SPIRE1: variants seen among roughly 807,000 people sequenced by gnomAD.
SPIRE1 encodes spire type actin nucleation factor 1.
SPIRE1 carries 40 observed loss-of-function variants against 94.1 expected under a neutral mutation model. The ratio of observed to expected loss-of-function variants is 0.43; its 90% confidence interval spans 0.33 to 0.55. The LOEUF is 0.55. SPIRE1 is among the 20% of genes least tolerant of loss of function. The pLI is 0.06. For synonymous variants in SPIRE1, 376 were observed against 371.7 expected (o/e 1.01, Z -0.13); for missense variants, 838 against 975.2 (o/e 0.86, Z 1.87).
intron 10 of SPIRE1, among the ~76,000 whole-genome samples, chr18:12,476,393 T>G (rs1030406472): frequency 1.9e-4 from 28 of 151,020 alleles, no homozygotes; most frequent in Admixed American, 9.2e-4. Context: ...ATAAAAAAAT[T>G]AGCTGAGCAT....
chr18:12,608,205 C>T (rs2037041611), intron 2 of SPIRE1, among the ~76,000 whole-genome samples: 1 of 151,148 alleles, frequency 6.6e-6, no homozygotes, highest in South Asian at 2.1e-4. Context: ...TATCCACCTA[C>T]TATGTACCCC....
At chr18:12,608,719 G>C (rs1046242920) in intron 2 of SPIRE1, among the ~76,000 whole-genome samples, 11 of 152,102 alleles carry the variant, frequency 7.2e-5, no homozygotes, top group African/African-American at 2.7e-4. Context: ...TTTACATTAA[G>C]GTGATGGCAA....
chr18:12,527,509 G>A (rs1233534233), intron 4 of SPIRE1, among the ~76,000 whole-genome samples: 1 of 152,102 alleles, frequency 6.6e-6, no homozygotes, highest in African/African-American at 2.4e-5. Context: ...TGCTGCAGAA[G>A]GCTTTGGATC....
intron 1 of SPIRE1, chr18:12,656,784 T>G (rs1192258610): frequency 2.4e-5 from 15 of 615,294 alleles, no homozygotes; most frequent in Non-Finnish European, 3.1e-5. Context: ...AATTTTACAT[T>G]AGACAATGAC....
chr18:12,551,212 T>C (rs909763820), intron 2 of SPIRE1, among the ~76,000 whole-genome samples: 1 of 152,202 alleles, frequency 6.6e-6, no homozygotes, highest in Non-Finnish European at 1.5e-5. Flanking sequence ...TTGTCTATTT[T>C]GTTCACCATT....
At chr18:12,641,570 T>C (rs1009871601) in intron 1 of SPIRE1, among the ~76,000 whole-genome samples, 4 of 151,822 alleles carry the variant, frequency 2.6e-5, no homozygotes, top group African/African-American at 7.3e-5. Flanking sequence ...GGTTTCACCA[T>C]GTTGGCCAGG....
At chr18:12,542,124 G>T (rs1015603265) in intron 3 of SPIRE1, among the ~76,000 whole-genome samples, 8 of 151,976 alleles carry the variant, frequency 5.3e-5, no homozygotes, top group African/African-American at 1.7e-4. Context: ...TTACAGGCAT[G>T]CAGCACCATG....
At chr18:12,598,299 A>G (rs71351492) in intron 2 of SPIRE1, among the ~76,000 whole-genome samples, 11,188 of 152,280 alleles carry the variant, frequency 0.073, 574 homozygotes, top group Non-Finnish European at 0.11. Flanking sequence ...ATTAAAAACA[A>G]TATTTTGAAT....
intron 10 of SPIRE1, among the ~76,000 whole-genome samples, chr18:12,475,445 G>T (rs2032526835): frequency 1.3e-5 from 2 of 151,910 alleles, no homozygotes; most frequent in African/African-American, 4.8e-5. Context: ...TCATATTTCT[G>T]TCTGTACCTG....
chr18:12,517,518 T>C (rs2034232082), intron 4 of SPIRE1, among the ~76,000 whole-genome samples: 1 of 152,232 alleles, frequency 6.6e-6, no homozygotes, highest in Non-Finnish European at 1.5e-5. Context: ...CAATTATACT[T>C]TAGCTTCTGA....
At chr18:12,540,833 A>G (rs775202706) in intron 3 of SPIRE1, among the ~76,000 whole-genome samples, 1 of 152,278 alleles carries the variant, frequency 6.6e-6, no homozygotes, top group Non-Finnish European at 1.5e-5. Flanking sequence ...AAATTCCAGA[A>G]ATAAATAAAT....
At chr18:12,507,084 T>C (rs2033860791) in intron 5 of SPIRE1, among the ~76,000 whole-genome samples, 1 of 152,230 alleles carries the variant, frequency 6.6e-6, no homozygotes, top group African/African-American at 2.4e-5. Flanking sequence ...GTTTCTATTA[T>C]GGCCACGAAA....
intron 6 of SPIRE1, among the ~76,000 whole-genome samples, chr18:12,501,072 C>CAAAAAAAAAAAAAAAAAA (rs67894900): frequency 5.6e-4 from 45 of 80,260 alleles, no homozygotes; most frequent in African/African-American, 1.1e-3. Flanking sequence ...AACTCTGTCT[C>CAAAAAAAAAAAAAAAAAA]AAAAAAAAAA....
In SPIRE1 at chr18:12,559,391, G is replaced by A. The variant is rs115250781; in HGVS notation, c.373-12487C>T. Among the ~76,000 whole-genome samples the A allele has an allele frequency of 0.01, 1,567 of 152,200 alleles. 39 individuals carry two copies. Among genetic ancestry groups the A allele is most frequent in the African/African-American group, 0.035 (1,444 of 41,544 alleles). Reference sequence around the variant, plus strand: ...CAGCCGGCAGCTCTGAGTGCTGGCCGGGCGAGACTGCACCCACCCGGAACT... The same window carrying A: ...CAGCCGGCAGCTCTGAGTGCTGGCCAGGCGAGACTGCACCCACCCGGAACT... On this transcript the variant is annotated intron_variant, in intron 2 of 16. Transcript: ENST00000409402. This position sits in a 1 kb window ranked among gnomAD's most constrained non-coding sequence, Gnocchi z 4.7.
At chr18:12,503,644 A>G (rs371913509) in intron 6 of SPIRE1, among the ~76,000 whole-genome samples, 1 of 152,074 alleles carries the variant, frequency 6.6e-6, no homozygotes, top group African/African-American at 2.4e-5. Context: ...CCTACAGGTT[A>G]TCAGTGGCTG....
At chr18:12,614,150 A>G (rs2037219484) in intron 2 of SPIRE1, among the ~76,000 whole-genome samples, 1 of 152,168 alleles carries the variant, frequency 6.6e-6, no homozygotes, top group Non-Finnish European at 1.5e-5. Flanking sequence ...AGTCCTAGCT[A>G]GTTGGGAGGC....
At chr18:12,609,174 C>CT (rs1025755603) in intron 2 of SPIRE1, among the ~76,000 whole-genome samples, 1 of 152,204 alleles carries the variant, frequency 6.6e-6, no homozygotes, top group African/African-American at 2.4e-5. Context: ...CACCACTCAC[C>CT]TTCCTAACAG....
chr18:12,513,666 G>A (rs2034108974), intron 4 of SPIRE1, among the ~76,000 whole-genome samples: 1 of 151,920 alleles, frequency 6.6e-6, no homozygotes, highest in Non-Finnish European at 1.5e-5. Flanking sequence ...TAGGAGTACA[G>A]GCATGCGCCA....
chr18:12,619,462 C>G (rs2037401715), intron 2 of SPIRE1, among the ~76,000 whole-genome samples: 1 of 151,816 alleles, frequency 6.6e-6, no homozygotes, highest in Non-Finnish European at 1.5e-5. Flanking sequence ...GAGCTGAGAT[C>G]GTGCCACTGA....
Sources: gnomAD v4.1 joint callset for allele counts (sites outside exome capture counted in the v4.1 genomes callset) on GRCh38, gnomAD v4.1.1 for gene constraint, Gnocchi (gnomAD v3.1) non-coding constraint, MANE v1.5 for transcripts, NCBI Gene and HGNC (gene_info 2026-07-23, HGNC 2026-07-21) for gene names.